Variants in CLCA2 observed in about 807,000 individuals in gnomAD.
CLCA2 encodes the protein chloride channel accessory 2, also known as calcium-activated chloride channel regulator 2.
Under a neutral mutation model 82.9 loss-of-function variants are expected in CLCA2, and 85 were observed. That is an observed-to-expected ratio of 1.03 (90% CI 0.86 to 1.23). CLCA2 has a LOEUF of 1.23. Among genes scored for constraint, CLCA2 ranks in the 50% most tolerant of loss-of-function variants. CLCA2 has a pLI of 0.00. For synonymous variants in CLCA2, 421 were observed against 391.7 expected (o/e 1.07, Z -0.88); for missense variants, 1,089 against 1,124.8 (o/e 0.97, Z 0.45).
At chr1:86,430,338 C>T (rs11161816) in intron 3 of CLCA2, among the ~76,000 whole-genome samples, 43,330 of 152,040 alleles carry the variant, frequency 0.28, 6,690 homozygotes, top group Non-Finnish European at 0.34. Flanking sequence ...GAACATTCTG[C>T]AGTCTCCTTT....
At position 86,424,377 on chromosome 1, in the gene CLCA2, C is replaced by T; in HGVS notation, c.130C>T (p.Leu44Phe). Residue 44 changes from leucine to phenylalanine, a missense_variant, in exon 1 of 14, where the codon CTC becomes TTC. Leu to Phe is a conservative substitution (Grantham distance 22). Transcript: ENST00000370565. ...QLQDNGYNGL[L>F]IAINPQVPEN... The stretch of plus-strand genomic sequence containing the variant: ...TCAAGACAATGGGTATAATGGATTG[C>T]TCATTGCAATTAATCCTCAGGTACC... The T allele has an allele frequency of 6.2e-7, 1 of 1,613,198 alleles. No homozygotes were observed. The highest frequency in any genetic ancestry group is 8.5e-7 in the Non-Finnish European group (1 of 1,179,682).
At chr1:86,446,568 CA>C (rs1436698137) in intron 10 of CLCA2, among the ~76,000 whole-genome samples, 1 of 152,164 alleles carries the variant, frequency 6.6e-6, no homozygotes, top group Non-Finnish European at 1.5e-5. Context: ...AACAAAAAAA[CA>C]TAGTCCTTGA....
chr1:86,452,315 A>G (rs1662988968), intron 12 of CLCA2, among the ~76,000 whole-genome samples: 1 of 150,412 alleles, frequency 6.6e-6, no homozygotes, highest in African/African-American at 2.5e-5. Context: ...TCCTCTCCAC[A>G]CCATCTCCCA....
At position 86,455,577 on chromosome 1, in the gene CLCA2, G is replaced by A. The variant is rs765766347; in HGVS notation, c.*50G>A. 5 of 1,229,078 alleles carry A rather than the reference G, an allele frequency of 4.1e-6. No homozygotes were observed. Among genetic ancestry groups the A allele is most frequent in the Non-Finnish European group, 4.3e-6 (4 of 925,468 alleles). The allele number at this position is 1,229,078 out of a possible 1,614,324, so 76.1% of individuals were successfully genotyped here. A position where few individuals can be genotyped will look rare whatever the true frequency, so the allele number is the denominator to read the frequency against. On this transcript the variant is annotated 3_prime_UTR_variant, in exon 14 of 14. Coordinates refer to ENST00000370565, the MANE Select transcript of CLCA2 (RefSeq NM_006536.7). ...CTTAGATATAAGACCCATGGCCTTC[G>A]ACTACAAAAACATACTAACAAAGTC...
chr1:86,438,465 G>A (rs994330671), intron 6 of CLCA2, among the ~76,000 whole-genome samples: 1 of 152,174 alleles, frequency 6.6e-6, no homozygotes, highest in Non-Finnish European at 1.5e-5. Context: ...CAGATCATGG[G>A]TCCTCTGACT....
intron 8 of CLCA2, 76 bp from the exon 9 acceptor site, chr1:86,441,361 T>C: frequency 1.1e-6 from 1 of 870,288 alleles, no homozygotes; most frequent in Non-Finnish European, 1.7e-6. Flanking sequence ...AGAAAGCTTG[T>C]TGGAAAAGGC....
In CLCA2 at chr1:86,453,469, G is replaced by A; in HGVS notation, c.2256G>A (p.Val752=). The A allele has an allele frequency of 6.2e-7, 1 of 1,614,142 alleles. No homozygotes were observed. The highest frequency in any genetic ancestry group is 8.5e-7 in the Non-Finnish European group (1 of 1,180,026). Reference sequence around the variant, plus strand: ...TCAGCTCAGGAGGCTCCTTTTCAGTGCTGGGAGTTCCAGCTGGCCCCCACC... The same window carrying A: ...TCAGCTCAGGAGGCTCCTTTTCAGTACTGGGAGTTCCAGCTGGCCCCCACC... ...SRVSSGGSFS[V]LGVPAGPHPD... Residue 752 remains valine (V), a synonymous_variant, in exon 13 of 14, where the codon GTG becomes GTA. Coordinates refer to ENST00000370565, the MANE Select transcript of CLCA2 (RefSeq NM_006536.7).
chr1:86,447,161 G>A (rs1662869554), intron 10 of CLCA2, among the ~76,000 whole-genome samples: 1 of 152,116 alleles, frequency 6.6e-6, no homozygotes, highest in African/African-American at 2.4e-5. Flanking sequence ...TTTTGGGGAA[G>A]GGGCTCAGAT....
At chr1:86,427,339 C>G (rs897451964) in intron 2 of CLCA2, among the ~76,000 whole-genome samples, 1 of 152,030 alleles carries the variant, frequency 6.6e-6, no homozygotes, top group East Asian at 1.9e-4. Context: ...AGAGTGTGAC[C>G]TCTTCAGCCT....
intron 6 of CLCA2, among the ~76,000 whole-genome samples, chr1:86,438,184 T>C (rs967304457): frequency 3.8e-4 from 58 of 152,284 alleles, no homozygotes; most frequent in African/African-American, 1.3e-3. Flanking sequence ...TGGGTGGTCA[T>C]TGAAGCTCAG....
chr1:86,455,327 G>C lies in CLCA2; in HGVS notation c.2632G>C (p.Val878Leu), dbSNP rs777574031. Residue 878 changes from valine to leucine, a missense_variant, in exon 14 of 14, where the codon GTA (valine) becomes CTA (leucine). Val to Leu is a conservative substitution (Grantham distance 32). Coordinates refer to ENST00000370565, the MANE Select transcript of CLCA2 (RefSeq NM_006536.7). ...GGATAGGAACTCCTTACAGTCTGCTGTATCTAACATTGCCCAGGCGCCTCT... is the reference window on the plus strand; with the variant it reads ...GGATAGGAACTCCTTACAGTCTGCTCTATCTAACATTGCCCAGGCGCCTCT... The part of the protein sequence containing the change: ...AMDRNSLQSA[V>L]SNIAQAPLFI... 1.1e-5 allele frequency: 18 copies of C among 1,613,628 alleles called. No individual in the cohort carries two copies. The highest frequency in any genetic ancestry group is 5.1e-6 in the Non-Finnish European group (6 of 1,179,880).
intron 10 of CLCA2, among the ~76,000 whole-genome samples, chr1:86,447,053 C>T (rs868031630): frequency 2.6e-5 from 4 of 152,068 alleles, no homozygotes; most frequent in Admixed American, 1.3e-4. Flanking sequence ...GATGTTGTTG[C>T]CTTTTTAGTC....
chr1:86,438,780 A>C (rs926842935), intron 6 of CLCA2, 96 bp from the exon 7 acceptor site: 37 of 953,906 alleles, frequency 3.9e-5, no homozygotes, highest in Non-Finnish European at 5.7e-5. Flanking sequence ...ACATCTCTAA[A>C]GAATTAGCAG....
At chr1:86,441,632 C>T in intron 9 of CLCA2, 89 bp downstream of exon 9, 1 of 821,226 alleles carries the variant, frequency 1.2e-6, no homozygotes, top group African/African-American at 1.7e-5. Flanking sequence ...CTACCTGCTT[C>T]ATTAACCTTA....
At chr1:86,429,727 G>A (rs1482899814) in intron 3 of CLCA2, among the ~76,000 whole-genome samples, 1 of 152,132 alleles carries the variant, frequency 6.6e-6, no homozygotes, top group Non-Finnish European at 1.5e-5. Flanking sequence ...TTCAAGTGAT[G>A]TCTTAATTTT....
intron 10 of CLCA2, among the ~76,000 whole-genome samples, chr1:86,446,873 T>C (rs1211737329): frequency 6.6e-6 from 1 of 152,226 alleles, no homozygotes; most frequent in Non-Finnish European, 1.5e-5. Context: ...CCCAGGCAGA[T>C]AGGCAAGAGT....
At chr1:86,434,153 G>C (rs1662553733) in intron 5 of CLCA2, among the ~76,000 whole-genome samples, 1 of 152,162 alleles carries the variant, frequency 6.6e-6, no homozygotes, top group African/African-American at 2.4e-5. Context: ...GGCTGATCAT[G>C]ATAACTTCTT....
chr1:86,440,448 A>T, intron 8 of CLCA2, 123 bp downstream of exon 8: 1 of 909,304 alleles, frequency 1.1e-6, no homozygotes. Context: ...TAAAAAACGC[A>T]CACACATATT....
In CLCA2 at chr1:86,432,415, T is replaced by A; in HGVS notation, c.631T>A (p.Cys211Ser). Residue 211 changes from cysteine to serine, a missense_variant, in exon 5 of 14, where the codon TGC becomes AGC. By Grantham distance (112) the Cys-to-Ser change is moderately radical. Transcript: ENST00000370565. ...TGIFVCEKGP[C>S]PQENCIISKL... ...CATTTTTGTGTGTGAAAAAGGTCCT[T>A]GCCCCCAAGAAAACTGTATTATTAG... 3 of 1,614,042 alleles carry A rather than the reference T, an allele frequency of 1.9e-6. No homozygotes were observed. The highest frequency in any genetic ancestry group is 2.5e-6 in the Non-Finnish European group (3 of 1,179,954).
Sources: allele counts gnomAD v4.1 joint callset (sites outside exome capture counted in the v4.1 genomes callset), GRCh38; gene constraint gnomAD v4.1.1; transcripts MANE v1.5; gene names NCBI Gene and HGNC (gene_info 2026-07-23, HGNC 2026-07-21).